KATNAL2: variants seen among roughly 807,000 people sequenced by gnomAD.
KATNAL2 encodes the protein katanin p60 ATPase-containing subunit A-like 2.
In KATNAL2, 52 loss-of-function variants were observed where a neutral mutation model predicts 76.3. That is an observed-to-expected ratio of 0.68 (90% confidence interval 0.55 to 0.86). The LOEUF (loss-of-function observed/expected upper bound fraction) is 0.86. Ranked by LOEUF, KATNAL2 falls within the 40% of genes least tolerant of loss-of-function variation. The pLI is 0.00. For missense variants in KATNAL2, 660 were observed against 668.9 expected (o/e 0.99, Z 0.15); for synonymous variants, 243 against 244.2 (o/e 1.00, Z 0.05).
intron 1 of KATNAL2, among the ~76,000 whole-genome samples, chr18:46,930,235 G>T (rs1403418736): frequency 1.3e-5 from 2 of 152,120 alleles, no homozygotes; most frequent in African/African-American, 4.8e-5. Context: ...TCTTTGAAAT[G>T]CTTGTTCTTG....
chr18:47,094,450 CTTTT>C (rs777688282), intron 15 of KATNAL2, among the ~76,000 whole-genome samples: 5 of 152,142 alleles, frequency 3.3e-5, no homozygotes, highest in Non-Finnish European at 7.4e-5. Context: ...CTCCAAGATT[CTTTT>C]TATTTTCCAC....
chr18:47,035,481 T>C (rs575047068), intron 3 of KATNAL2: 23 of 1,003,360 alleles, frequency 2.3e-5, no homozygotes, highest in African/African-American at 2.1e-4. Flanking sequence ...AGGCCCGCTT[T>C]TGTTCCTCGG....
chr18:47,093,340 A>G (rs2063082167), intron 15 of KATNAL2, among the ~76,000 whole-genome samples: 2 of 151,194 alleles, frequency 1.3e-5, no homozygotes, highest in South Asian at 4.2e-4. Context: ...ATTATTTCCT[A>G]GAATTCTGGA....
intron 1 of KATNAL2, among the ~76,000 whole-genome samples, chr18:46,942,181 C>T (rs998741206): frequency 5.4e-5 from 7 of 130,224 alleles, no homozygotes; most frequent in Non-Finnish European, 1.7e-5. Flanking sequence ...AAATTTAGAA[C>T]TCATATCTAA....
At chr18:46,949,787 C>A (rs1432555772) in intron 3 of KATNAL2, among the ~76,000 whole-genome samples, 1 of 152,192 alleles carries the variant, frequency 6.6e-6, no homozygotes, top group Non-Finnish European at 1.5e-5. Flanking sequence ...ATATTCACAT[C>A]CACCTCCTGA....
chr18:46,945,959 A>C (rs1318616486), intron 1 of KATNAL2, 98 bp from the exon 2 acceptor site: 2 of 152,904 alleles, frequency 1.3e-5, no homozygotes, highest in East Asian at 3.8e-4. Context: ...AAGGTGAGGA[A>C]ATGAGGAAGA....
chr18:46,958,434 TA>T (rs200070646), intron 3 of KATNAL2, among the ~76,000 whole-genome samples: 14 of 152,224 alleles, frequency 9.2e-5, no homozygotes, highest in African/African-American at 1.9e-4. Flanking sequence ...ATAAATCTAG[TA>T]AAAAAATACA....
At chr18:47,075,200 CTAAGT>C (rs2062156845) in intron 13 of KATNAL2, 72 bp from the exon 14 acceptor site, 1 of 1,152,142 alleles carries the variant, frequency 8.7e-7, no homozygotes, top group East Asian at 3.1e-5. Flanking sequence ...TACAGTCATT[CTAAGT>C]TTTTACTCTG....
At chr18:47,100,824 G>C in intron 17 of KATNAL2, 42 bp from the exon 18 acceptor site, 3 of 1,612,024 alleles carry the variant, frequency 1.9e-6, no homozygotes, top group Non-Finnish European at 2.5e-6. Context: ...TGATCACCAA[G>C]AGGTCGATTG....
At chr18:46,946,973 C>A in intron 3 of KATNAL2, 50 bp downstream of exon 3, 2 of 1,226,590 alleles carry the variant, frequency 1.6e-6, no homozygotes, top group Non-Finnish European at 2.3e-6. Context: ...CCCTCTCCTA[C>A]TGTTGCTGCG....
chr18:47,045,018 A>G (rs1683488415), intron 3 of KATNAL2, among the ~76,000 whole-genome samples: 1 of 151,960 alleles, frequency 6.6e-6, no homozygotes, highest in South Asian at 2.1e-4. Context: ...GGATCACCTG[A>G]GCCTAGGGAG....
chr18:47,033,238 G>T, intron 3 of KATNAL2: 1 of 1,613,852 alleles, frequency 6.2e-7, no homozygotes, highest in Non-Finnish European at 8.5e-7. Flanking sequence ...CGCGGGCTTG[G>T]AGGCTGGCTT....
At chr18:46,942,030 C>T (rs954150038) in intron 1 of KATNAL2, among the ~76,000 whole-genome samples, 5 of 152,004 alleles carry the variant, frequency 3.3e-5, no homozygotes, top group Admixed American at 2.6e-4. Context: ...AGTGCTTTGG[C>T]GGGAGTCAGG....
intron 1 of KATNAL2, among the ~76,000 whole-genome samples, chr18:46,919,861 T>C (rs574367212): frequency 3.9e-5 from 6 of 152,282 alleles, no homozygotes; most frequent in African/African-American, 1.4e-4. Flanking sequence ...TTATTCTCCG[T>C]AGACCTTGAT....
intron 15 of KATNAL2, among the ~76,000 whole-genome samples, chr18:47,082,485 TA>T (rs917219717): frequency 3.9e-5 from 6 of 152,178 alleles, no homozygotes; most frequent in African/African-American, 1.2e-4. Context: ...CAATGTTTAT[TA>T]AAAAAATAAA....
chr18:46,951,982 A>G (rs1353613433), intron 3 of KATNAL2, among the ~76,000 whole-genome samples: 1 of 152,080 alleles, frequency 6.6e-6, no homozygotes, highest in African/African-American at 2.4e-5. Flanking sequence ...CACGTTGCCC[A>G]GGCTGGTCTC....
chr18:46,951,321 A>G (rs1246599994), intron 3 of KATNAL2, among the ~76,000 whole-genome samples: 2 of 151,896 alleles, frequency 1.3e-5, no homozygotes, highest in East Asian at 1.9e-4. Flanking sequence ...ACTTTTCTGT[A>G]TATTTGATAC....
chr18:47,082,484 T>TAAAAAATAAAA (rs2062575046), intron 15 of KATNAL2, among the ~76,000 whole-genome samples: 1 of 152,200 alleles, frequency 6.6e-6, no homozygotes, highest in Non-Finnish European at 1.5e-5. Context: ...ACAATGTTTA[T>TAAAAAATAAAA]TAAAAAAATA....
At chr18:47,031,603 G>T (rs1171839723) in intron 3 of KATNAL2, among the ~76,000 whole-genome samples, 1 of 152,148 alleles carries the variant, frequency 6.6e-6, no homozygotes, top group South Asian at 2.1e-4. Context: ...TACTTCTCCA[G>T]GAGAATCGTA....
Sources: gnomAD v4.1 joint callset for allele counts (sites outside exome capture counted in the v4.1 genomes callset) on GRCh38, gnomAD v4.1.1 for gene constraint, MANE v1.5 for transcripts, NCBI Gene and HGNC (gene_info 2026-07-23, HGNC 2026-07-21) for gene names.